The following TNKS2 variants were observed in gnomAD, a reference collection of about 807,000 sequenced individuals.
The protein encoded by TNKS2 is poly [ADP-ribose] polymerase tankyrase-2.
Under a neutral mutation model 137.6 loss-of-function variants are expected in TNKS2, and 72 were observed. That is an observed-to-expected ratio of 0.52 (90% CI 0.43 to 0.64). TNKS2 has a LOEUF of 0.64. Among genes scored for constraint, TNKS2 ranks in the 30% least tolerant of loss-of-function variants. TNKS2 has a pLI of 0.00. For missense variants in TNKS2, 1,049 were observed against 1,410.2 expected, an observed-to-expected ratio of 0.74 and a Z score of 4.10; for synonymous variants, 516 against 512.1, an observed-to-expected ratio of 1.01 and a Z score of -0.10.
rs543617540 is a variant in TNKS2 at position 91,819,258 on chromosome 10, T to G, written c.521-12T>G. On this transcript the variant is annotated splice_polypyrimidine_tract_variant and intron_variant, in intron 3 of 26. Coordinates refer to ENST00000371627, the MANE Select transcript of TNKS2 (RefSeq NM_025235.4). Reference sequence around the variant, plus strand: ...TTTAATTTCTATACTTTTTTTTTTTTCTAATTCACAGGTGAATATAAGAAA... The same window carrying G: ...TTTAATTTCTATACTTTTTTTTTTTGCTAATTCACAGGTGAATATAAGAAA... 45 of 1,413,024 alleles carry G rather than the reference T, an allele frequency of 3.2e-5. 1 individual carries two copies. The highest frequency in any genetic ancestry group is 4.2e-5 in the Non-Finnish European group (45 of 1,060,878). The allele number at this position is 1,413,024 out of a possible 1,614,324, so 87.5% of individuals were successfully genotyped here.
At chr10:91,843,305 G>A (rs1554839336) in intron 16 of TNKS2, among the ~76,000 whole-genome samples, 1 of 152,174 alleles carries the variant, frequency 6.6e-6, no homozygotes, top group Non-Finnish European at 1.5e-5. Flanking sequence ...CTCTTGGCTT[G>A]CAGCTGTCTA....
rs754383094 is a variant in TNKS2 at position 91,845,838 on chromosome 10, A to C, written c.2256A>C (p.Ala752=). ...GGGCTTTCACACCTTTGCACGAAGC[A>C]GCCCAAAAGGGACGAACACAGCTTT... The part of the protein sequence containing the change: ...DKWAFTPLHE[A]AQKGRTQLCA... Residue 752 remains alanine (A), a synonymous_variant, in exon 18 of 27, where the codon GCA becomes GCC. Coordinates refer to ENST00000371627, the MANE Select transcript of TNKS2 (RefSeq NM_025235.4). The C allele has an allele frequency of 4.3e-6, 7 of 1,610,512 alleles. No homozygotes were observed. Among genetic ancestry groups the C allele is most frequent in the Non-Finnish European group, 5.9e-6 (7 of 1,177,280 alleles).
chr10:91,854,935 A>G, intron 21 of TNKS2, 94 bp from the exon 22 acceptor site: 1 of 583,148 alleles, frequency 1.7e-6, no homozygotes, highest in East Asian at 3.3e-5. Flanking sequence ...AAAAATTGGT[A>G]GTAAGAATCA....
chr10:91,843,959 GT>G, intron 16 of TNKS2, among the ~76,000 whole-genome samples: 1 of 152,332 alleles, frequency 6.6e-6, no homozygotes, highest in East Asian at 1.9e-4. Flanking sequence ...TATTTTGGAA[GT>G]GATAAGCCAC....
chr10:91,825,820 A>G (rs1845050110), intron 7 of TNKS2, among the ~76,000 whole-genome samples: 1 of 152,272 alleles, frequency 6.6e-6, no homozygotes, highest in Non-Finnish European at 1.5e-5. Context: ...AAGGATATGT[A>G]GCAACTGGAA....
intron 6 of TNKS2, among the ~76,000 whole-genome samples, chr10:91,820,432 G>A (rs140266219): frequency 1.1e-3 from 169 of 152,312 alleles, no homozygotes; most frequent in Non-Finnish European, 1.9e-3. Flanking sequence ...CAGAGTTTGC[G>A]GGACATTAGT....
At chr10:91,800,300 T>G (rs1288489203) in intron 1 of TNKS2, among the ~76,000 whole-genome samples, 1 of 152,324 alleles carries the variant, frequency 6.6e-6, no homozygotes. Flanking sequence ...TAGTCAACAT[T>G]TAAACAACTC....
intron 15 of TNKS2, 55 bp downstream of exon 15, chr10:91,841,503 G>A (rs74149303): frequency 3.6e-6 from 5 of 1,377,088 alleles, no homozygotes; most frequent in Non-Finnish European, 3.8e-6. Context: ...TATGTTTATG[G>A]TTTTCTAAAT....
Position 91,798,483 on chromosome 10 carries a change from G to C in TNKS2, c.-208G>C, listed in dbSNP as rs888968072. On this transcript the variant is annotated 5_prime_UTR_variant, in exon 1 of 27. Coordinates refer to ENST00000371627, the MANE Select transcript of TNKS2 (RefSeq NM_025235.4). ...ACGGCGGATTCGCGCTGCCTCCGCC[G>C]CCGCGGGGCAGCCGGGGGGCAGGGA... 8.8e-6 allele frequency: 4 copies of C among 452,080 alleles called. No homozygotes were observed. The South Asian group carries it at 4.5e-4, about 50-fold the overall frequency. The allele number at this position is 452,080 out of a possible 1,614,324, so 28.0% of individuals were successfully genotyped here. A position where few individuals can be genotyped will look rare whatever the true frequency, so the allele number is the denominator to read the frequency against.
chr10:91,851,327 G>A lies in TNKS2; in HGVS notation c.2806G>A (p.Gly936Arg), dbSNP rs147167784. The part of the protein sequence containing the change: ...LIKGVERLIS[G>R]QQGLNPYLTL... ...TAAAGGAGTCGAGAGACTTATCTCCGGACAACAAGGTATTTTATTTTAATA... is the reference window on the plus strand; with the variant it reads ...TAAAGGAGTCGAGAGACTTATCTCCAGACAACAAGGTATTTTATTTTAATA... Residue 936 changes from glycine (G) to arginine (R), a missense_variant, in exon 21 of 27, where the codon GGA becomes AGA. Transcript: ENST00000371627. 82 of 1,608,464 alleles carry A rather than the reference G, an allele frequency of 5.1e-5. No individual in the cohort carries two copies. The African/African-American group carries it at 6.3e-4, about 12-fold the overall frequency.
intron 7 of TNKS2, among the ~76,000 whole-genome samples, chr10:91,823,388 C>T (rs1168669256): frequency 1.5e-5 from 2 of 135,166 alleles, no homozygotes; most frequent in Non-Finnish European, 3.1e-5. Flanking sequence ...AGTGCAGTGG[C>T]GCAATCTCGG....
rs558702538 is a variant in TNKS2, at chr10:91,855,341, T to G, written c.2913+215T>G. On this transcript the variant is annotated intron_variant, in intron 22 of 26. Transcript: ENST00000371627. ...CATATTCTTTGTTTTTTGTGTTTGT[T>G]TTTGTTTTTGTTTTTGTTTTTGTTT... Among the ~76,000 whole-genome samples the G allele has an allele frequency of 2.6e-5, 4 of 150,948 alleles. No homozygotes were observed. The East Asian group carries it at 5.9e-4, about 22-fold the overall frequency.
intron 5 of TNKS2, 151 bp from the exon 6 acceptor site, chr10:91,819,788 A>G (rs977588071): frequency 6.2e-6 from 4 of 642,678 alleles, no homozygotes; most frequent in Non-Finnish European, 7.7e-6. Context: ...TATGCCTTCA[A>G]TATGTATGTT....
chr10:91,842,124 G>T lies in TNKS2; in HGVS notation c.1840-48G>T, dbSNP rs748129678. ...CTGACTATTTTCTCATTGACCAAAG[G>T]CACATTTAAGCCATTTCCCCCTTTT... On this transcript the variant is annotated intron_variant, in intron 15 of 26. Transcript: ENST00000371627. 8.9e-6 allele frequency: 12 copies of T among 1,342,328 alleles called. No individual in the cohort carries two copies. In the South Asian group the frequency reaches 1.5e-4, roughly 17 times the overall value. 83.2% of individuals were successfully genotyped at this position (1,342,328 alleles called of 1,614,324 possible).
In TNKS2 at chr10:91,830,375, G is replaced by A. The variant is rs567469574; in HGVS notation, c.1105-548G>A. 3.0e-4 allele frequency among the ~76,000 whole-genome samples: 46 copies of A among 152,134 alleles called. 1 individual carries two copies. The East Asian group carries it at 8.1e-3, about 27-fold the overall frequency. On this transcript the variant is annotated intron_variant, in intron 9 of 26. Transcript: ENST00000371627. ...TGGGATTACAGGCACGTGCCACCACGACTGGCTAATTTTTGTATTTTTATT... is the reference window on the plus strand; with the variant it reads ...TGGGATTACAGGCACGTGCCACCACAACTGGCTAATTTTTGTATTTTTATT...
chr10:91,823,566 A>T (rs1413678233), intron 7 of TNKS2, among the ~76,000 whole-genome samples: 1 of 151,938 alleles, frequency 6.6e-6, no homozygotes, highest in African/African-American at 2.4e-5. Context: ...ACCTCAAGTG[A>T]TCTGCCTGCC....
At chr10:91,856,870 A>G (rs1435098632) in intron 23 of TNKS2, among the ~76,000 whole-genome samples, 1 of 152,178 alleles carries the variant, frequency 6.6e-6, no homozygotes, top group Non-Finnish European at 1.5e-5. Context: ...AAACAACACT[A>G]GTATTGTGAA....
At chr10:91,822,136 G>T (rs1284009430) in intron 6 of TNKS2, among the ~76,000 whole-genome samples, 160 bp from the exon 7 acceptor site, 1 of 152,112 alleles carries the variant, frequency 6.6e-6, no homozygotes, top group Non-Finnish European at 1.5e-5. Context: ...AGGACTTAGG[G>T]TTCAAATGGA....
chr10:91,816,076 G>A (rs1844686176), intron 2 of TNKS2, among the ~76,000 whole-genome samples: 1 of 151,356 alleles, frequency 6.6e-6, no homozygotes, highest in East Asian at 2.0e-4. Context: ...AGCCTCTCGA[G>A]TAGCTAGGAC....
Sources: gnomAD v4.1 joint callset for allele counts (sites outside exome capture counted in the v4.1 genomes callset) on GRCh38, gnomAD v4.1.1 for gene constraint, MANE v1.5 for transcripts, NCBI Gene and HGNC (gene_info 2026-07-23, HGNC 2026-07-21) for gene names.